Variants in LAMA1 observed in about 807,000 individuals in gnomAD.
LAMA1 encodes the protein laminin subunit alpha-1.
In LAMA1, 219 loss-of-function variants were observed where a neutral mutation model predicts 348.7. The observed-to-expected ratio is 0.63, with a 90% CI of 0.56 to 0.70. The LOEUF (loss-of-function observed/expected upper bound fraction) is 0.70. Ranked by LOEUF, LAMA1 falls within the 30% of genes least tolerant of loss-of-function variation. The pLI, the probability that LAMA1 is intolerant of heterozygous loss-of-function variation, is 0.00. For synonymous variants in LAMA1, 1,487 were observed against 1,491.0 expected (o/e 1.00, Z 0.06); for missense variants, 3,744 against 3,888.0 (o/e 0.96, Z 0.99).
intron 42 of LAMA1, among the ~76,000 whole-genome samples, chr18:6,978,716 T>A (rs1170157035): frequency 6.6e-6 from 1 of 152,206 alleles, no homozygotes; most frequent in Non-Finnish European, 1.5e-5. Flanking sequence ...GTGTGAGCTG[T>A]GTCTTACATC....
intron 1 of LAMA1, among the ~76,000 whole-genome samples, chr18:7,100,747 C>T (rs2058288169): frequency 6.6e-6 from 1 of 152,106 alleles, no homozygotes; most frequent in Admixed American, 6.5e-5. Context: ...AGGTGGCTCA[C>T]ACCTGTAATC....
rs970735295 is a variant in LAMA1, at chr18:7,026,190, GA to G, written c.2275-85del. The G allele has an allele frequency of 1.2e-3, 1,577 of 1,343,194 alleles. 1 individual carries two copies. The highest frequency in any genetic ancestry group is 1.4e-3 in the Admixed American group (62 of 44,938). 83.2% of individuals were successfully genotyped at this position (1,343,194 alleles called of 1,614,324 possible). ...CTATAAGCAACTTGAAGTCCAAGCG[GA>G]AAAAAAAAAGACAAAATGCTAAAAC... On this transcript the variant is annotated intron_variant, in intron 16 of 62. Coordinates refer to ENST00000389658, the MANE Select transcript of LAMA1 (RefSeq NM_005559.4).
At chr18:6,951,697 G>A (rs1038770727) in intron 57 of LAMA1, among the ~76,000 whole-genome samples, 1 of 152,200 alleles carries the variant, frequency 6.6e-6, no homozygotes, top group Admixed American at 6.5e-5. Context: ...CAGCTGTTAC[G>A]ACAGCCAACG....
chr18:7,020,745 C>T (rs1403161669), intron 19 of LAMA1, among the ~76,000 whole-genome samples: 1 of 152,194 alleles, frequency 6.6e-6, no homozygotes, highest in Non-Finnish European at 1.5e-5. Flanking sequence ...TCTTTTATCT[C>T]CATGGCAAAG....
rs567772511 is a variant in LAMA1 at position 7,089,376 on chromosome 18, C to T, written c.62-8919G>A. The stretch of plus-strand genomic sequence containing the variant: ...CCTGGGCAAAAAAAACAAAACAAAA[C>T]GCTGGTAGGGAAGGTGCAAGGAGTT... On this transcript the variant is annotated intron_variant, in intron 1 of 62. Transcript: ENST00000389658. Among the ~76,000 whole-genome samples the T allele has an allele frequency of 7.9e-5, 12 of 152,176 alleles. 1 individual carries two copies. The South Asian group carries it at 1.2e-3, about 16-fold the overall frequency.
At chr18:7,099,029 G>A (rs943485428) in intron 1 of LAMA1, among the ~76,000 whole-genome samples, 59 of 152,184 alleles carry the variant, frequency 3.9e-4, no homozygotes, top group Non-Finnish European at 7.1e-4. Flanking sequence ...ATAGAAAGGG[G>A]GGAAAGGCGG....
In LAMA1 at chr18:7,040,221, T is replaced by C. The variant is rs775125578; in HGVS notation, c.1277A>G (p.Gln426Arg). The change falls in exon 10 of 63, where the codon CAG becomes CGG. Residue 426 changes from glutamine to arginine, a missense_variant. Transcript: ENST00000389658. The part of the protein sequence containing the change: ...SDLHNGKQPG[Q>R]CPCKEGYTGE... ...TGTATAACCTTCCTTACATGGGCAC[T>C]GACCTGGCTGCTTCCCTAGAAAGAC... The C allele has an allele frequency of 1.9e-6, 3 of 1,614,158 alleles. No individual in the cohort carries two copies. The East Asian group carries it at 6.7e-5, about 36-fold the overall frequency.
intron 48 of LAMA1, 69 bp downstream of exon 48, chr18:6,971,788 C>T: frequency 6.2e-7 from 1 of 1,604,432 alleles, no homozygotes; most frequent in Admixed American, 1.7e-5. Flanking sequence ...TGTATTAATA[C>T]ATTCTTTCAG....
At chr18:7,039,947 G>C in intron 10 of LAMA1, 129 bp downstream of exon 10, 1 of 1,033,238 alleles carries the variant, frequency 9.7e-7, no homozygotes, top group Non-Finnish European at 1.5e-6. Context: ...TTGGAGAGAA[G>C]GGGCAAGGGG....
intron 1 of LAMA1, among the ~76,000 whole-genome samples, chr18:7,083,868 C>T (rs1042817462): frequency 2.0e-5 from 3 of 151,942 alleles, no homozygotes; most frequent in East Asian, 2.0e-4. Flanking sequence ...GTCAGGAGTT[C>T]GAGACCAGCC....
intron 36 of LAMA1, among the ~76,000 whole-genome samples, chr18:6,986,900 A>G (rs774081426): frequency 7.2e-4 from 109 of 152,238 alleles, no homozygotes; most frequent in Non-Finnish European, 2.9e-4. Flanking sequence ...GCTGGGATTA[A>G]GGTGCCTGCC....
Position 7,021,841 on chromosome 18 carries a change from ATT to A in LAMA1, c.2701+1321_2701+1322del, listed in dbSNP as rs1568034711. Among the ~76,000 whole-genome samples the A allele has an allele frequency of 2.4e-3, 159 of 67,242 alleles. 4 individuals carry two copies. The highest frequency in any genetic ancestry group is 0.011 in the African/African-American group (150 of 13,466). The allele number at this position is 67,242 out of a possible 152,430, so 44.1% of individuals were successfully genotyped here. ...TATATATTATATAATATAATAATAT[ATT>A]ATATTATATTATATATATTATATAT... On this transcript the variant is annotated intron_variant, in intron 19 of 62. Transcript: ENST00000389658.
chr18:6,967,985 C>A (rs1269369508), intron 48 of LAMA1, among the ~76,000 whole-genome samples: 1 of 152,152 alleles, frequency 6.6e-6, no homozygotes, highest in East Asian at 1.9e-4. Flanking sequence ...AGGCTTGTCC[C>A]CATGTCAGTC....
intron 30 of LAMA1, 35 bp downstream of exon 30, chr18:7,002,229 A>T: frequency 2.5e-6 from 4 of 1,607,288 alleles, no homozygotes; most frequent in Non-Finnish European, 3.4e-6. Flanking sequence ...AGCCCTGGGC[A>T]GCCCAGCATG....
Position 6,961,669 on chromosome 18 carries a change from C to CA in LAMA1, c.7542dup (p.Ala2515CysfsTer22). The CA allele has an allele frequency of 6.2e-7, 1 of 1,614,102 alleles. No homozygotes were observed. Among genetic ancestry groups the CA allele is most frequent in the South Asian group, 1.1e-5 (1 of 91,056 alleles). On this transcript the variant is annotated frameshift_variant, in exon 53 of 63. Coordinates refer to ENST00000389658, the MANE Select transcript of LAMA1 (RefSeq NM_005559.4). LOFTEE classifies it high-confidence loss of function. The stretch of plus-strand genomic sequence containing the variant: ...ATGATGCCACTGCTGTTCGTGGTGG[C>CA]AAATGTTACCAGCCATTCTGATTCT...
At position 7,038,966 on chromosome 18, in the gene LAMA1, A is replaced by G; in HGVS notation, c.1423-16T>C. On this transcript the variant is annotated splice_polypyrimidine_tract_variant and intron_variant, in intron 10 of 62. Transcript: ENST00000389658. ...CAACGTTTTCCTGTAAGTTAGGGTA[A>G]AAGATTAGCTTTTGAAACCAATGTG... The G allele has an allele frequency of 6.2e-7, 1 of 1,608,556 alleles. No homozygotes were observed. The highest frequency in any genetic ancestry group is 8.5e-7 in the Non-Finnish European group (1 of 1,174,954).
chr18:7,028,222 G>C (rs565658670), intron 16 of LAMA1, among the ~76,000 whole-genome samples: 1 of 152,324 alleles, frequency 6.6e-6, no homozygotes, highest in African/African-American at 2.4e-5. Flanking sequence ...CGTGCAATTA[G>C]ATTGGCGTGG....
At chr18:7,034,297 G>C (rs1431329831) in intron 14 of LAMA1, among the ~76,000 whole-genome samples, 182 bp downstream of exon 14, 1 of 152,140 alleles carries the variant, frequency 6.6e-6, no homozygotes, top group Non-Finnish European at 1.5e-5. Flanking sequence ...GTGGATAACT[G>C]TTCTTACGTT....
intron 16 of LAMA1, among the ~76,000 whole-genome samples, chr18:7,031,339 G>A (rs1408167864): frequency 6.6e-6 from 1 of 152,074 alleles, no homozygotes; most frequent in East Asian, 1.9e-4. Flanking sequence ...TAAGAAACAA[G>A]TCTTGCCCCA....
Sources: allele counts gnomAD v4.1 joint callset (sites outside exome capture counted in the v4.1 genomes callset), GRCh38; gene constraint gnomAD v4.1.1; transcripts MANE v1.5; gene names NCBI Gene and HGNC (gene_info 2026-07-23, HGNC 2026-07-21).